The following KRCC1 variants were observed in gnomAD, a reference collection of about 807,000 sequenced individuals.
The protein encoded by KRCC1 is lysine rich coiled-coil 1.
Under a neutral mutation model 7.4 loss-of-function variants are expected in KRCC1, and 3 were observed. That is an observed-to-expected ratio of 0.40 (90% CI 0.18 to 1.04). The LOEUF (loss-of-function observed/expected upper bound fraction) is 1.04. Among genes scored for constraint, KRCC1 ranks in the 50% least tolerant of loss-of-function variants. The pLI is 0.33. For synonymous variants in KRCC1, 102 were observed against 101.6 expected, an observed-to-expected ratio of 1.00 and a Z score of -0.02; for missense variants, 277 against 300.9, an observed-to-expected ratio of 0.92 and a Z score of 0.59.
Position 88,049,939 on chromosome 2 carries a change from C to T in KRCC1, c.-291+5687G>A, listed in dbSNP as rs572947687. Among the ~76,000 whole-genome samples, 16 of 152,316 alleles carry T rather than the reference C, an allele frequency of 1.1e-4. No homozygotes were observed. The East Asian group carries it at 3.1e-3, about 29-fold the overall frequency. ...GTGCAGAGCACATATTTATGCAAAA[C>T]AATGAACTACTCCTGATATCTCAGG... On this transcript the variant is annotated intron_variant, in intron 1 of 3. Coordinates refer to ENST00000347055, the MANE Select transcript of KRCC1 (RefSeq NM_016618.3).
chr2:88,049,301 T>G (rs966297260), intron 1 of KRCC1, among the ~76,000 whole-genome samples: 1 of 152,216 alleles, frequency 6.6e-6, no homozygotes, highest in Admixed American at 6.5e-5. Flanking sequence ...CCAAGGCAGA[T>G]ATCCTACATC....
intron 1 of KRCC1, among the ~76,000 whole-genome samples, chr2:88,042,108 TG>T (rs1673224675): frequency 1.3e-5 from 2 of 149,230 alleles, no homozygotes; most frequent in African/African-American, 4.9e-5. Flanking sequence ...TCCCCCAGAC[TG>T]GAGTGCAGTG....
At chr2:88,055,235 C>G (rs566228286) in intron 1 of KRCC1, among the ~76,000 whole-genome samples, 2 of 152,232 alleles carry the variant, frequency 1.3e-5, no homozygotes, top group South Asian at 4.1e-4. Flanking sequence ...CAAACGGAAG[C>G]TTACTCTCTT....
chr2:88,046,988 G>A (rs1673350994), intron 1 of KRCC1, among the ~76,000 whole-genome samples: 1 of 151,990 alleles, frequency 6.6e-6, no homozygotes, highest in Non-Finnish European at 1.5e-5. Context: ...CTTTATTTCA[G>A]TAAAAATATG....
intron 1 of KRCC1, among the ~76,000 whole-genome samples, chr2:88,050,215 GAAAC>G (rs1673441354): frequency 6.6e-6 from 1 of 152,178 alleles, no homozygotes; most frequent in Admixed American, 6.5e-5. Context: ...TAATATCATG[GAAAC>G]AAACGAAAAT....
intron 1 of KRCC1, 100 bp downstream of exon 1, chr2:88,055,526 G>C (rs1411524608): frequency 6.6e-6 from 1 of 151,962 alleles, no homozygotes; most frequent in Non-Finnish European, 1.5e-5. Flanking sequence ...TCGCACACTC[G>C]GGGCGCGCCC....
intron 1 of KRCC1, among the ~76,000 whole-genome samples, chr2:88,048,623 T>C (rs1357123899): frequency 6.6e-6 from 1 of 152,212 alleles, no homozygotes; most frequent in Non-Finnish European, 1.5e-5. Flanking sequence ...GATGATCATA[T>C]ACTCTGCAAA....
At chr2:88,031,979 G>A (rs1322977918) in intron 3 of KRCC1, among the ~76,000 whole-genome samples, 5 of 151,550 alleles carry the variant, frequency 3.3e-5, no homozygotes, top group Admixed American at 1.3e-4. Flanking sequence ...CCCATCTCTA[G>A]TAATAATACA....
At position 88,032,484 on chromosome 2, in the gene KRCC1, G is replaced by A. The variant is rs139099878; in HGVS notation, c.-23+1650C>T. 2.1e-3 allele frequency among the ~76,000 whole-genome samples: 313 copies of A among 152,310 alleles called. 1 individual carries two copies. Among genetic ancestry groups the A allele is most frequent in the African/African-American group, 7.1e-3 (294 of 41,574 alleles). ...ATAGGCTATATCATATAGCCTGGGT[G>A]TGTAGTAAGTTATACCATCAGTCTA... is the stretch of plus-strand genomic sequence containing the variant. On this transcript the variant is annotated intron_variant, in intron 3 of 3. Coordinates refer to ENST00000347055, the MANE Select transcript of KRCC1 (RefSeq NM_016618.3).
chr2:88,052,068 T>C (rs1673502106), intron 1 of KRCC1, among the ~76,000 whole-genome samples: 1 of 152,252 alleles, frequency 6.6e-6, no homozygotes, highest in Non-Finnish European at 1.5e-5. Context: ...TCCCAAATGT[T>C]GAAATCCCAA....
At chr2:88,028,628 G>A (rs1230031571) in intron 3 of KRCC1, 43 bp from the exon 4 acceptor site, 3 of 927,502 alleles carry the variant, frequency 3.2e-6, no homozygotes, top group Middle Eastern at 4.7e-4. Flanking sequence ...ATCTTGTCCT[G>A]AGCATTTCCT....
At chr2:88,035,839 G>A (rs1673081001) in intron 2 of KRCC1, among the ~76,000 whole-genome samples, 1 of 152,068 alleles carries the variant, frequency 6.6e-6, no homozygotes, top group African/African-American at 2.4e-5. Flanking sequence ...AGACCTCTGG[G>A]CTCTGAAGAC....
chr2:88,042,754 G>C (rs1489972993), intron 1 of KRCC1, among the ~76,000 whole-genome samples: 1 of 152,022 alleles, frequency 6.6e-6, no homozygotes, highest in Admixed American at 6.5e-5. Flanking sequence ...TCTTAATCTT[G>C]GTATTTGCTA....
At chr2:88,047,242 ATTAT>A (rs537228686) in intron 1 of KRCC1, among the ~76,000 whole-genome samples, 10 of 152,196 alleles carry the variant, frequency 6.6e-5, no homozygotes, top group African/African-American at 9.6e-5. Context: ...TTGACGCTGA[ATTAT>A]TTATTTATTT....
At chr2:88,050,408 G>A (rs1673449604) in intron 1 of KRCC1, among the ~76,000 whole-genome samples, 1 of 152,166 alleles carries the variant, frequency 6.6e-6, no homozygotes, top group African/African-American at 2.4e-5. Context: ...ATCACTTGAA[G>A]TCAGGAGTCC....
rs1672918168 is a variant in KRCC1 at position 88,028,261 on chromosome 2, CAG to C, written c.301_302del (p.Leu101GlufsTer20). On this transcript the variant is annotated frameshift_variant, in exon 4 of 4. Coordinates refer to ENST00000347055, the MANE Select transcript of KRCC1 (RefSeq NM_016618.3). LOFTEE classifies it low-confidence loss of function (END_TRUNC). ...AHDSRLRLDS[L>X]SYCQFTRDCF... ...AGTCCCTCGTGAACTGACAGTAGCT[CAG>C]AGAGTCTAGTCTCAATCTGCTGTCA... 6 of 1,614,174 alleles carry C rather than the reference CAG, an allele frequency of 3.7e-6. No individual in the cohort carries two copies. The highest frequency in any genetic ancestry group is 5.1e-6 in the Non-Finnish European group (6 of 1,180,048).
At chr2:88,055,478 GGGTGCGCGGGACTC>G (rs980468405) in intron 1 of KRCC1, 134 bp downstream of exon 1, 6 of 152,202 alleles carry the variant, frequency 3.9e-5, no homozygotes, top group African/African-American at 1.4e-4. Flanking sequence ...GGCCGGTGAG[GGGTGCGCGGGACTC>G]GGGCCGCGCC....
rs767046281 is a variant in KRCC1 at position 88,028,589 on chromosome 2, CA to C, written c.-22-5del. 5.2e-6 allele frequency: 8 copies of C among 1,536,074 alleles called. No individual in the cohort carries two copies. In the African/African-American group the frequency reaches 1.1e-4, roughly 22 times the overall value. The stretch of plus-strand genomic sequence containing the variant: ...TAGGTTGACAAAACGGGATTTTCTG[CA>C]AAAAAGGGAGAAAATTCTTACCAGA... On this transcript the variant is annotated splice_polypyrimidine_tract_variant and splice_region_variant and intron_variant, in intron 3 of 3. Transcript: ENST00000347055.
At chr2:88,028,632 A>ATATTTTTTTTTTTTTT in intron 3 of KRCC1, 47 bp from the exon 4 acceptor site, 1 of 861,106 alleles carries the variant, frequency 1.2e-6, no homozygotes. Flanking sequence ...TGTCCTGAGC[A>ATATTTTTTTTTTTTTT]TTTCCTTTGC....
Sources: gnomAD v4.1 joint callset for allele counts (sites outside exome capture counted in the v4.1 genomes callset) on GRCh38, gnomAD v4.1.1 for gene constraint, MANE v1.5 for transcripts, NCBI Gene and HGNC (gene_info 2026-07-23, HGNC 2026-07-21) for gene names.